The following RSU1 variants were observed in gnomAD, a reference collection of about 807,000 sequenced individuals.
The protein encoded by RSU1 is Ras suppressor protein 1.
Under a neutral mutation model 31.1 loss-of-function variants are expected in RSU1, and 26 were observed. The observed-to-expected ratio is 0.84, with a 90% confidence interval of 0.61 to 1.16. The LOEUF (loss-of-function observed/expected upper bound fraction) is 1.16. RSU1 is among the 50% of genes most tolerant of loss of function. The pLI, the probability that RSU1 is intolerant of heterozygous loss-of-function variation, is 0.00. For synonymous variants in RSU1, 164 were observed against 136.3 expected (o/e 1.20, Z -1.41); for missense variants, 320 against 339.1 (o/e 0.94, Z 0.44).
chr10:16,764,600 A>G, intron 3 of RSU1, 90 bp from the exon 4 acceptor site: 1 of 1,380,824 alleles, frequency 7.2e-7, no homozygotes, highest in Non-Finnish European at 9.9e-7. Flanking sequence ...TTTCAAAGCA[A>G]AGAAAGACAT....
chr10:16,696,474 A>C (rs1333401789), intron 7 of RSU1, among the ~76,000 whole-genome samples: 1 of 152,158 alleles, frequency 6.6e-6, no homozygotes, highest in Non-Finnish European at 1.5e-5. Context: ...ACTTGCAACT[A>C]TTCAGAAAAA....
In RSU1 at chr10:16,695,167, GAAAA is replaced by G. The variant is rs1554767079; in HGVS notation, c.599-16_599-13del. Reference sequence around the variant, plus strand: ...TAAATCCAAGTTTCCTGGGGGGGGGGAAAAAAAAAGTGAAGGTCACTTCATCCAA... The same window carrying G: ...TAAATCCAAGTTTCCTGGGGGGGGGGAAAAAGTGAAGGTCACTTCATCCAA... On this transcript the variant is annotated splice_polypyrimidine_tract_variant and intron_variant, in intron 7 of 8. Transcript: ENST00000345264. The G allele has an allele frequency of 2.6e-3, 3,401 of 1,318,096 alleles. 20 individuals carry two copies. Among genetic ancestry groups the G allele is most frequent in the African/African-American group, 9.9e-3 (628 of 63,194 alleles). 81.7% of individuals were successfully genotyped at this position (1,318,096 alleles called of 1,614,324 possible).
intron 8 of RSU1, among the ~76,000 whole-genome samples, chr10:16,632,690 G>A (rs893796635): frequency 2.6e-5 from 4 of 152,144 alleles, no homozygotes; most frequent in African/African-American, 9.7e-5. Context: ...TGTAATCCAA[G>A]CACTTTGAGA....
At chr10:16,811,751 C>A (rs1346453587) in intron 2 of RSU1, among the ~76,000 whole-genome samples, 1 of 152,222 alleles carries the variant, frequency 6.6e-6, no homozygotes, top group East Asian at 1.9e-4. Context: ...CCTCTGGAAA[C>A]TGCGGAGAAG....
intron 7 of RSU1, among the ~76,000 whole-genome samples, chr10:16,718,918 T>C (rs1040976531): frequency 2.0e-5 from 3 of 150,368 alleles, no homozygotes; most frequent in Admixed American, 6.6e-5. Context: ...GAGGTGGAGG[T>C]TGAAGTGAGC....
intron 8 of RSU1, among the ~76,000 whole-genome samples, chr10:16,662,274 C>T (rs1269264853): frequency 6.6e-6 from 1 of 152,070 alleles, no homozygotes; most frequent in Non-Finnish European, 1.5e-5. Context: ...CTTCATGTGC[C>T]CATGGTGTCT....
intron 7 of RSU1, among the ~76,000 whole-genome samples, chr10:16,733,121 T>C (rs1012590458): frequency 2.6e-5 from 4 of 151,962 alleles, no homozygotes; most frequent in Non-Finnish European, 1.5e-5. Flanking sequence ...ACTAGGCAAA[T>C]ATTTTCACCT....
chr10:16,760,186 A>G (rs1268033848), intron 4 of RSU1, among the ~76,000 whole-genome samples: 1 of 152,250 alleles, frequency 6.6e-6, no homozygotes, highest in East Asian at 1.9e-4. Context: ...AAAGAGAACA[A>G]GAAGGCAACT....
chr10:16,730,701 A>G (rs762935737), intron 7 of RSU1, among the ~76,000 whole-genome samples: 14 of 152,240 alleles, frequency 9.2e-5, no homozygotes, highest in Non-Finnish European at 1.6e-4. Flanking sequence ...TATAAAAAAT[A>G]AAAAGTAGAA....
intron 8 of RSU1, among the ~76,000 whole-genome samples, chr10:16,643,183 A>T (rs1834475589): frequency 6.6e-6 from 1 of 152,186 alleles, no homozygotes; most frequent in African/African-American, 2.4e-5. Flanking sequence ...TGGGGGTGAT[A>T]TGGATTTGTC....
At chr10:16,691,675 G>T (rs1180995080) in intron 8 of RSU1, among the ~76,000 whole-genome samples, 1 of 150,012 alleles carries the variant, frequency 6.7e-6, no homozygotes, top group East Asian at 2.0e-4. Context: ...GCTGGTCCCC[G>T]TGGAAAGGAG....
intron 8 of RSU1, among the ~76,000 whole-genome samples, chr10:16,626,101 A>G (rs1834155371): frequency 6.6e-6 from 1 of 151,370 alleles, no homozygotes; most frequent in Admixed American, 6.6e-5. Context: ...CTGGAGTGCC[A>G]ATGATGCGAT....
rs1388954555 is a variant in RSU1 at position 16,785,489 on chromosome 10, C to CATAT, written c.110-3409_110-3406dup. On this transcript the variant is annotated intron_variant, in intron 2 of 8. Transcript: ENST00000345264. ...ATATATACACATATATACATATATA[C>CATAT]ATATATATATACACATATATACATA... Among the ~76,000 whole-genome samples, 117 of 118,462 alleles carry CATAT rather than the reference C, an allele frequency of 9.9e-4. 4 individuals are homozygous for CATAT. Among genetic ancestry groups the CATAT allele is most frequent in the African/African-American group, 5.4e-3 (117 of 21,778 alleles). 77.7% of individuals were successfully genotyped at this position (118,462 alleles called of 152,430 possible). A position where few individuals can be genotyped will look rare whatever the true frequency, so the allele number is the denominator to read the frequency against.
chr10:16,815,453 G>A (rs578156037), intron 2 of RSU1, among the ~76,000 whole-genome samples: 7 of 152,084 alleles, frequency 4.6e-5, no homozygotes, highest in Admixed American at 2.0e-4. Context: ...GCTATCCATC[G>A]CCTTTCAGGG....
At chr10:16,662,762 C>T (rs909230714) in intron 8 of RSU1, among the ~76,000 whole-genome samples, 1 of 152,136 alleles carries the variant, frequency 6.6e-6, no homozygotes, top group African/African-American at 2.4e-5. Context: ...TATGCTAATT[C>T]ATACAGACTT....
At chr10:16,626,881 C>G (rs908063227) in intron 8 of RSU1, among the ~76,000 whole-genome samples, 5 of 152,166 alleles carry the variant, frequency 3.3e-5, no homozygotes, top group South Asian at 2.1e-4. Context: ...TGGGAGTGGT[C>G]TCCCAGGCTG....
intron 8 of RSU1, among the ~76,000 whole-genome samples, chr10:16,677,435 A>T (rs946922558): frequency 2.6e-5 from 4 of 152,318 alleles, no homozygotes; most frequent in African/African-American, 9.6e-5. Context: ...ACATGAAGAA[A>T]ATAAAAATGG....
intron 8 of RSU1, among the ~76,000 whole-genome samples, chr10:16,646,980 CT>C (rs1007212635): frequency 8.8e-4 from 126 of 143,936 alleles, no homozygotes; most frequent in East Asian, 3.5e-3. Context: ...GGTACTGCAA[CT>C]TTTTTTTTTT....
At chr10:16,634,862 T>C (rs1204918819) in intron 8 of RSU1, among the ~76,000 whole-genome samples, 6 of 152,262 alleles carry the variant, frequency 3.9e-5, no homozygotes, top group East Asian at 1.9e-4. Context: ...TCTATAGTGA[T>C]AGAAATTCTA....
Sources: gnomAD v4.1 joint callset for allele counts (sites outside exome capture counted in the v4.1 genomes callset) on GRCh38, gnomAD v4.1.1 for gene constraint, MANE v1.5 for transcripts, NCBI Gene and HGNC (gene_info 2026-07-23, HGNC 2026-07-21) for gene names.